The following PLXNA4 variants were observed in gnomAD, a reference collection of about 807,000 sequenced individuals.
PLXNA4 encodes plexin A4, also known as plexin-A4.
Under a neutral mutation model 191.8 loss-of-function variants are expected in PLXNA4, and 44 were observed. The observed-to-expected ratio is 0.23, with a 90% CI of 0.18 to 0.29. The LOEUF is 0.29. PLXNA4 is among the 10% of genes least tolerant of loss of function. PLXNA4 has a pLI of 1.00. For synonymous variants in PLXNA4, 1,082 were observed against 1,009.5 expected (o/e 1.07, Z -1.36); for missense variants, 1,800 against 2,488.8 (o/e 0.72, Z 5.89).
intron 4 of PLXNA4, among the ~76,000 whole-genome samples, chr7:132,290,920 A>G (rs1450186330): frequency 6.6e-6 from 1 of 152,230 alleles, no homozygotes; most frequent in Non-Finnish European, 1.5e-5. Context: ...TAATTTGCAA[A>G]TAATCTAATA....
intron 4 of PLXNA4, among the ~76,000 whole-genome samples, chr7:132,289,422 G>A (rs1481087693): frequency 6.6e-6 from 1 of 152,216 alleles, no homozygotes; most frequent in Non-Finnish European, 1.5e-5. Flanking sequence ...TTTGCTAAAA[G>A]CATAGGGATA....
intron 21 of PLXNA4, among the ~76,000 whole-genome samples, chr7:132,171,765 G>A (rs999539108): frequency 6.6e-6 from 1 of 152,194 alleles, no homozygotes; most frequent in Non-Finnish European, 1.5e-5. Flanking sequence ...GAAGCAGAGA[G>A]ACCACAGTGA....
chr7:132,367,961 C>G (rs776119075), intron 3 of PLXNA4: 2 of 152,202 alleles, frequency 1.3e-5, no homozygotes, highest in African/African-American at 4.8e-5. Context: ...TTCTGCTCGT[C>G]GAAGCCCTCT....
intron 3 of PLXNA4, among the ~76,000 whole-genome samples, chr7:132,474,656 A>T (rs886629905): frequency 2.0e-5 from 3 of 152,054 alleles, no homozygotes; most frequent in South Asian, 2.1e-4. Flanking sequence ...ACGCACACAC[A>T]CACAATTAAA....
At chr7:132,198,717 G>A in intron 12 of PLXNA4, 81 bp from the exon 13 acceptor site, 1 of 1,557,846 alleles carries the variant, frequency 6.4e-7, no homozygotes, top group Non-Finnish European at 8.7e-7. Flanking sequence ...GAGGCTGCTG[G>A]CTCTTGTCTC....
chr7:132,288,684 C>T (rs1251851375), intron 4 of PLXNA4, among the ~76,000 whole-genome samples: 3 of 152,130 alleles, frequency 2.0e-5, no homozygotes, highest in Non-Finnish European at 4.4e-5. Context: ...CAGCTCGGCC[C>T]CCACAGGGGC....
chr7:132,282,524 C>T (rs1180315486), intron 4 of PLXNA4, among the ~76,000 whole-genome samples: 1 of 145,052 alleles, frequency 6.9e-6, no homozygotes, highest in African/African-American at 2.5e-5. Flanking sequence ...TGGCTTGAAC[C>T]TGGGAGGCAG....
chr7:132,166,061 G>T lies in PLXNA4; in HGVS notation c.4287-861C>A, dbSNP rs150387795. Reference sequence around the variant, plus strand: ...AAAACACAAAAATTAGCTGGGCGTGGTGGCACGTGCCTGTAACCCCAGCTA... The same window carrying T: ...AAAACACAAAAATTAGCTGGGCGTGTTGGCACGTGCCTGTAACCCCAGCTA... On this transcript the variant is annotated intron_variant, in intron 22 of 31. Transcript: ENST00000321063. Among the ~76,000 whole-genome samples the T allele has an allele frequency of 5.7e-3, 873 of 152,170 alleles. 8 individuals carry two copies. The highest frequency in any genetic ancestry group is 0.02 in the African/African-American group (816 of 41,542).
At chr7:132,441,343 A>G (rs1190954227) in intron 3 of PLXNA4, among the ~76,000 whole-genome samples, 1 of 152,208 alleles carries the variant, frequency 6.6e-6, no homozygotes, top group Non-Finnish European at 1.5e-5. Flanking sequence ...ATTTTGGAAG[A>G]TTGACCAGTA....
chr7:132,219,285 A>T, intron 9 of PLXNA4, among the ~76,000 whole-genome samples: 1 of 152,318 alleles, frequency 6.6e-6, no homozygotes, highest in South Asian at 2.1e-4. Context: ...CCTGTTAGGT[A>T]AAGGTGGTCG....
At chr7:132,513,410 C>A (rs1163177901) in intron 1 of PLXNA4, among the ~76,000 whole-genome samples, 1 of 152,074 alleles carries the variant, frequency 6.6e-6, no homozygotes, top group Non-Finnish European at 1.5e-5. Context: ...ATAAGGAAAC[C>A]AAGGCATGAA....
At chr7:132,489,233 C>T (rs1797683703) in intron 3 of PLXNA4, 59 bp downstream of exon 3, 2 of 1,491,892 alleles carry the variant, frequency 1.3e-6, no homozygotes, top group Admixed American at 3.7e-5. Context: ...AGATAACATC[C>T]AGCCCAGGAG....
At chr7:132,556,337 C>T (rs551036236) in intron 1 of PLXNA4, among the ~76,000 whole-genome samples, 7 of 152,292 alleles carry the variant, frequency 4.6e-5, no homozygotes, top group Admixed American at 2.0e-4. Flanking sequence ...TACCCTTCCC[C>T]GGCACACTAG....
At chr7:132,389,784 GT>G (rs1464675492) in intron 3 of PLXNA4, among the ~76,000 whole-genome samples, 3 of 151,946 alleles carry the variant, frequency 2.0e-5, no homozygotes, top group Admixed American at 1.3e-4. Context: ...ATTTGAAGTA[GT>G]TTTTTTTCCA....
intron 15 of PLXNA4, among the ~76,000 whole-genome samples, chr7:132,186,465 A>T (rs1363199799): frequency 2.0e-5 from 3 of 152,140 alleles, no homozygotes; most frequent in African/African-American, 7.2e-5. Context: ...GGGCTAACTG[A>T]TGGGCCATGA....
chr7:132,553,621 A>G (rs879843042), intron 1 of PLXNA4, among the ~76,000 whole-genome samples: 3 of 152,152 alleles, frequency 2.0e-5, no homozygotes, highest in Non-Finnish European at 4.4e-5. Flanking sequence ...TGACGTGCTA[A>G]AAGTCTGCCA....
chr7:132,367,540 G>A (rs754758877), intron 3 of PLXNA4: 8 of 152,306 alleles, frequency 5.3e-5, no homozygotes, highest in Non-Finnish European at 1.0e-4. Context: ...GGTGAGGGGT[G>A]GGGTGGGGAG....
intron 2 of PLXNA4, among the ~76,000 whole-genome samples, chr7:132,491,491 C>A (rs892680071): frequency 1.3e-5 from 2 of 152,160 alleles, no homozygotes; most frequent in African/African-American, 4.8e-5. Flanking sequence ...ACAGTCAGAG[C>A]GAAAACGGGG....
At chr7:132,481,628 C>T (rs2117480170) in intron 3 of PLXNA4, among the ~76,000 whole-genome samples, 1 of 152,334 alleles carries the variant, frequency 6.6e-6, no homozygotes, top group Middle Eastern at 3.4e-3. Context: ...TCCCTCTGCA[C>T]CACCTCTTTT....
Sources: allele counts gnomAD v4.1 joint callset (sites outside exome capture counted in the v4.1 genomes callset), GRCh38; gene constraint gnomAD v4.1.1; transcripts MANE v1.5; gene names NCBI Gene and HGNC (gene_info 2026-07-23, HGNC 2026-07-21).